Variants in PCDHGA4 observed in about 807,000 individuals in gnomAD.
The protein encoded by PCDHGA4 is protocadherin gamma-A4.
PCDHGA4 carries 38 observed loss-of-function variants against 54.6 expected under a neutral mutation model. The observed-to-expected ratio is 0.70, with a 90% CI of 0.54 to 0.91. The LOEUF (loss-of-function observed/expected upper bound fraction) is 0.91. Ranked by LOEUF, PCDHGA4 falls within the 40% of genes least tolerant of loss-of-function variation. The pLI is 0.00. For missense variants in PCDHGA4, 1,298 were observed against 1,220.9 expected, an observed-to-expected ratio of 1.06 and a Z score of -0.94; for synonymous variants, 511 against 512.9, an observed-to-expected ratio of 1.00 and a Z score of 0.05.
At position 141,491,067 on chromosome 5, in the gene PCDHGA4, G is replaced by T. The variant is rs752758445; in HGVS notation, c.2515-3740G>T. On this transcript the variant is annotated intron_variant, in intron 1 of 3. Transcript: ENST00000571252. The surrounding 1 kb of genome is among the most constrained non-coding windows in gnomAD (Gnocchi z 6.9). Reference sequence around the variant, plus strand: ...ACAATGCGTGGCTCTCCTACTCACTGTTGCCACAGTCCACAGCCCCAGGAC... The same window carrying T: ...ACAATGCGTGGCTCTCCTACTCACTTTTGCCACAGTCCACAGCCCCAGGAC... 1.2e-6 allele frequency: 2 copies of T among 1,614,200 alleles called. No homozygotes were observed. The highest frequency in any genetic ancestry group is 1.7e-6 in the Non-Finnish European group (2 of 1,180,040).
At chr5:141,379,328 C>T (rs1775531814) in intron 1 of PCDHGA4, 1 of 152,184 alleles carries the variant, frequency 6.6e-6, no homozygotes, top group African/African-American at 2.4e-5. Flanking sequence ...TAATCATACA[C>T]ATCTTCAAAG....
rs61612330 is a variant in PCDHGA4, at chr5:141,454,796, A to ATTTTTTTTTTTTTTTTTT, written c.2515-39999_2515-39982dup. Reference sequence around the variant, plus strand: ...AAGGAAATAATCCTCCATGGTTCTAATTTTTTTTTTTTTTTTTTTTTTTTT... The same window carrying ATTTTTTTTTTTTTTTTTT: ...AAGGAAATAATCCTCCATGGTTCTAATTTTTTTTTTTTTTTTTTTTTTTTTTTTTTTTTTTTTTTTTTT... On this transcript the variant is annotated intron_variant, in intron 1 of 3. Coordinates refer to ENST00000571252, the MANE Select transcript of PCDHGA4 (RefSeq NM_018917.4). 9.0e-4 allele frequency among the ~76,000 whole-genome samples: 70 copies of ATTTTTTTTTTTTTTTTTT among 77,458 alleles called. 9 individuals carry two copies. Among genetic ancestry groups the ATTTTTTTTTTTTTTTTTT allele is most frequent in the Non-Finnish European group, 1.1e-3 (48 of 42,814 alleles). The allele number at this position is 77,458 out of a possible 152,430, so 50.8% of individuals were successfully genotyped here. A position where few individuals can be genotyped will look rare whatever the true frequency, so the allele number is the denominator to read the frequency against.
At chr5:141,364,454 G>A (rs1162340616) in intron 1 of PCDHGA4, 3 of 1,613,884 alleles carry the variant, frequency 1.9e-6, no homozygotes, top group East Asian at 4.5e-5. Flanking sequence ...GCTGGACAAA[G>A]GCTCCTTCGT....
chr5:141,380,649 A>G (rs1354203302), intron 1 of PCDHGA4, among the ~76,000 whole-genome samples: 1 of 152,230 alleles, frequency 6.6e-6, no homozygotes, highest in East Asian at 1.9e-4. Flanking sequence ...GCTAGAGACA[A>G]TGAAGCCATT....
At chr5:141,420,076 TC>T (rs2096464805) in intron 1 of PCDHGA4, 2 of 1,613,956 alleles carry the variant, frequency 1.2e-6, no homozygotes, top group East Asian at 2.2e-5. Flanking sequence ...GACCTGTGGG[TC>T]CCCCCAACTA....
At chr5:141,478,926 G>A in intron 1 of PCDHGA4, 1 of 687,216 alleles carries the variant, frequency 1.5e-6, no homozygotes, top group Non-Finnish European at 2.3e-6. Flanking sequence ...CTAACCAGTG[G>A]CAGCTTCTAG....
chr5:141,375,239 A>G, intron 1 of PCDHGA4: 2 of 1,613,974 alleles, frequency 1.2e-6, no homozygotes, highest in Admixed American at 1.7e-5. Context: ...AACCTGTTCC[A>G]TCCCGAGAAG....
At chr5:141,383,749 A>G in intron 1 of PCDHGA4, 1 of 1,614,008 alleles carries the variant, frequency 6.2e-7, no homozygotes, top group South Asian at 1.1e-5. Context: ...TTTTCGGAAA[A>G]TAACTCCTAA....
intron 1 of PCDHGA4, among the ~76,000 whole-genome samples, chr5:141,469,882 G>A (rs760102003): frequency 2.6e-5 from 4 of 152,280 alleles, no homozygotes; most frequent in Non-Finnish European, 4.4e-5. Context: ...TGTAATCTCG[G>A]CACTTTGGGA....
At chr5:141,447,244 A>G (rs1475037979) in intron 1 of PCDHGA4, among the ~76,000 whole-genome samples, 1 of 152,062 alleles carries the variant, frequency 6.6e-6, no homozygotes, top group South Asian at 2.1e-4. Flanking sequence ...GGTTCAAGTG[A>G]TTCTTCTGTC....
At chr5:141,467,939 A>G (rs2099154812) in intron 1 of PCDHGA4, among the ~76,000 whole-genome samples, 2 of 152,190 alleles carry the variant, frequency 1.3e-5, no homozygotes, top group Admixed American at 6.5e-5. Context: ...GATTACAAGC[A>G]TGAGCCACCA....
intron 1 of PCDHGA4, chr5:141,374,378 A>C: frequency 6.2e-7 from 1 of 1,614,038 alleles, no homozygotes; most frequent in Non-Finnish European, 8.5e-7. Context: ...CTGTGCTCAG[A>C]GCCCGCGGTG....
chr5:141,424,184 C>A, intron 1 of PCDHGA4: 1 of 199,136 alleles, frequency 5.0e-6, no homozygotes, highest in Non-Finnish European at 9.9e-6. Context: ...TACACATGCA[C>A]ACACACTTAT....
At position 141,490,982 on chromosome 5, in the gene PCDHGA4, G is replaced by T; in HGVS notation, c.2515-3825G>T. ...CACTCAGCCCCCCAGCGTCTCCCTC[G>T]CTCTGCTCCTCCTGGCTCCTTGGTC... On this transcript the variant is annotated intron_variant, in intron 1 of 3. Coordinates refer to ENST00000571252, the MANE Select transcript of PCDHGA4 (RefSeq NM_018917.4). This position sits in a 1 kb window ranked among gnomAD's most constrained non-coding sequence, Gnocchi z 5.4. 1.2e-6 allele frequency: 2 copies of T among 1,613,994 alleles called. No individual in the cohort carries two copies. The highest frequency in any genetic ancestry group is 1.7e-6 in the Non-Finnish European group (2 of 1,180,002).
rs200043254 is a variant in PCDHGA4, at chr5:141,355,170, G to A, written c.63G>A (p.Pro21=). The A allele has an allele frequency of 5.7e-6, 9 of 1,569,662 alleles. No homozygotes were observed. The highest frequency in any genetic ancestry group is 2.6e-6 in the Non-Finnish European group (3 of 1,158,610). Residue 21 remains proline, a synonymous_variant, in exon 1 of 4, where the codon CCG becomes CCA. Coordinates refer to ENST00000571252, the MANE Select transcript of PCDHGA4 (RefSeq NM_018917.4). ...GAPQASTEGK[P]KHRRLRGGVV... ...CTCAGGCCTCGACAGAGGGAAAACC[G>A]AAGCACAGGCGACTCCGCGGCGGGG...
chr5:141,499,721 G>GTC (rs1434016871), intron 2 of PCDHGA4, among the ~76,000 whole-genome samples: 69 of 135,416 alleles, frequency 5.1e-4, no homozygotes, highest in African/African-American at 1.9e-3. Flanking sequence ...TGGAGACAGA[G>GTC]TCTCACTCTC....
Position 141,476,017 on chromosome 5 carries a change from G to C in PCDHGA4, c.2515-18790G>C. The C allele has an allele frequency of 1.5e-6, 2 of 1,369,942 alleles. No individual in the cohort carries two copies. The highest frequency in any genetic ancestry group is 2.0e-6 in the Non-Finnish European group (2 of 1,015,658). The allele number at this position is 1,369,942 out of a possible 1,614,324, so 84.9% of individuals were successfully genotyped here. A position where few individuals can be genotyped will look rare whatever the true frequency, so the allele number is the denominator to read the frequency against. On this transcript the variant is annotated intron_variant, in intron 1 of 3. Coordinates refer to ENST00000571252, the MANE Select transcript of PCDHGA4 (RefSeq NM_018917.4). This position sits in a 1 kb window ranked among gnomAD's most constrained non-coding sequence, Gnocchi z 7.6. ...CAACGGCATCCAGAAAGCCATGTCG[G>C]ACTCGGCGCCCAGCGCCCAAGCGCT...
At chr5:141,452,792 A>AT (rs745523252) in intron 1 of PCDHGA4, among the ~76,000 whole-genome samples, 15 of 152,178 alleles carry the variant, frequency 9.9e-5, no homozygotes, top group Admixed American at 2.0e-4. Context: ...ACATACCATC[A>AT]TTTTTGCTGT....
Position 141,421,724 on chromosome 5 carries a change from A to G in PCDHGA4, c.2514+64103A>G, listed in dbSNP as rs541532003. On this transcript the variant is annotated intron_variant, in intron 1 of 3. Transcript: ENST00000571252. ...GCTAGGGATCCAGATGTGGGCGTGA[A>G]CTCCCTCCAGAGCTACCAGCTCAGC... 250 of 1,613,766 alleles carry G rather than the reference A, an allele frequency of 1.5e-4. 5 individuals are homozygous for G. The South Asian group carries it at 2.6e-3, about 17-fold the overall frequency.
Sources: gnomAD v4.1 joint callset for allele counts (sites outside exome capture counted in the v4.1 genomes callset) on GRCh38, gnomAD v4.1.1 for gene constraint, Gnocchi (gnomAD v3.1) non-coding constraint, MANE v1.5 for transcripts, NCBI Gene and HGNC (gene_info 2026-07-23, HGNC 2026-07-21) for gene names.